ZNF732: variants seen among roughly 807,000 people sequenced by gnomAD.
ZNF732 encodes the protein zinc finger protein 732.
In ZNF732, 12 loss-of-function variants were observed where a neutral mutation model predicts 11.5. That is an observed-to-expected ratio of 1.05 (90% CI 0.67 to 1.70). The LOEUF is 1.70. ZNF732 is among the 40% of genes most tolerant of loss of function. The probability of loss-of-function intolerance (pLI) is 0.00; values close to 1 mark genes in which losing one functional copy is unlikely to be tolerated. For synonymous variants in ZNF732, 231 were observed against 236.5 expected (o/e 0.98, Z 0.21); for missense variants, 702 against 676.9 (o/e 1.04, Z -0.41).
At chr4:303,435 G>A (rs546831164) in intron 1 of ZNF732, among the ~76,000 whole-genome samples, 26 of 152,206 alleles carry the variant, frequency 1.7e-4, no homozygotes, top group African/African-American at 5.5e-4. Flanking sequence ...TGGCCAACAT[G>A]GTGAAACTCC....
intron 1 of ZNF732, among the ~76,000 whole-genome samples, chr4:297,566 C>A (rs1581546816): frequency 1.8e-5 from 2 of 108,794 alleles, no homozygotes; most frequent in Non-Finnish European, 1.8e-5. Context: ...GTATTAAATG[C>A]AATTCAGAGA....
At chr4:305,093 CG>C (rs1720203692) in intron 1 of ZNF732, among the ~76,000 whole-genome samples, 1 of 152,190 alleles carries the variant, frequency 6.6e-6, no homozygotes, top group African/African-American at 2.4e-5. Flanking sequence ...TGCGGGGCTG[CG>C]GGCGCAGAGC....
chr4:293,390 T>C (rs535920208), intron 3 of ZNF732, among the ~76,000 whole-genome samples: 4 of 151,018 alleles, frequency 2.6e-5, no homozygotes, highest in Admixed American at 6.6e-5. Flanking sequence ...ACAACCTGGA[T>C]AGACCTGGAG....
chr4:287,917 G>C (rs1185510571), intron 3 of ZNF732, among the ~76,000 whole-genome samples: 4 of 151,864 alleles, frequency 2.6e-5, no homozygotes, highest in Non-Finnish European at 4.4e-5. Context: ...CAGTGCACAA[G>C]AGTTTCAATT....
At chr4:304,625 C>T (rs1720189401) in intron 1 of ZNF732, among the ~76,000 whole-genome samples, 1 of 152,180 alleles carries the variant, frequency 6.6e-6, no homozygotes, top group Admixed American at 6.5e-5. Context: ...TTCTGAACGC[C>T]TGCCTACAAA....
chr4:299,950 T>C (rs1215250865), intron 1 of ZNF732, among the ~76,000 whole-genome samples: 21 of 147,372 alleles, frequency 1.4e-4, no homozygotes, highest in African/African-American at 5.2e-4. Flanking sequence ...GTGATCCGCC[T>C]GCCTCGGCCT....
intron 3 of ZNF732, among the ~76,000 whole-genome samples, chr4:284,364 T>G (rs1337934751): frequency 6.6e-6 from 1 of 152,102 alleles, no homozygotes; most frequent in Non-Finnish European, 1.5e-5. Flanking sequence ...AATCAGAAAG[T>G]ATCTTGAGAC....
intron 3 of ZNF732, among the ~76,000 whole-genome samples, chr4:291,710 G>A (rs1719845577): frequency 6.6e-6 from 1 of 152,106 alleles, no homozygotes; most frequent in African/African-American, 2.4e-5. Context: ...CACAGTAATA[G>A]TAAACACAAT....
chr4:297,207 G>A (rs1719972050), intron 1 of ZNF732, among the ~76,000 whole-genome samples: 1 of 151,964 alleles, frequency 6.6e-6, no homozygotes, highest in African/African-American at 2.4e-5. Flanking sequence ...GCTGGAGGTT[G>A]CAGTGAGCCA....
chr4:277,738 GTTTC>G (rs1553838975), intron 3 of ZNF732, among the ~76,000 whole-genome samples: 1 of 151,916 alleles, frequency 6.6e-6, no homozygotes, highest in Non-Finnish European at 1.5e-5. Flanking sequence ...TTTTAACACT[GTTTC>G]TTTGACTCCC....
chr4:292,890 C>CAAAAAAAAAAAA (rs34118991), intron 3 of ZNF732, among the ~76,000 whole-genome samples: 2 of 79,498 alleles, frequency 2.5e-5, no homozygotes, highest in Non-Finnish European at 5.2e-5. Flanking sequence ...ACTAAAAACA[C>CAAAAAAAAAAAA]AAAAAAAAAA....
Position 271,560 on chromosome 4 carries a change from G to C in ZNF732, c.1297C>G (p.Leu433Val), listed in dbSNP as rs61792064. 6.2e-7 allele frequency: 1 copy of C among 1,611,942 alleles called. No homozygotes were observed. The highest frequency in any genetic ancestry group is 8.5e-7 in the Non-Finnish European group (1 of 1,178,976). Residue 433 changes from leucine to valine, a missense_variant, in exon 4 of 4, where the codon CTG becomes GTG. Leu to Val is a conservative substitution (Grantham distance 32, BLOSUM62 1). Around this residue, in one of 3 missense-constraint regions of ZNF732, gnomAD observed 596 missense variants for 557.9 expected, o/e 1.07. Coordinates refer to ENST00000419098, the MANE Select transcript of ZNF732 (RefSeq NM_001137608.3). ...CGKAFGWSTD[L>V]NKHKIIHTGE... Reference sequence around the variant, plus strand: ...GTATGAATTATCTTATGTTTATTCAGGTCTGTGGACCATCCAAAGGCTTTG... The same window carrying C: ...GTATGAATTATCTTATGTTTATTCACGTCTGTGGACCATCCAAAGGCTTTG...
At chr4:284,348 A>C (rs1327185297) in intron 3 of ZNF732, among the ~76,000 whole-genome samples, 1 of 152,216 alleles carries the variant, frequency 6.6e-6, no homozygotes, top group Non-Finnish European at 1.5e-5. Context: ...AGAAAAAGAA[A>C]AGAAAAATCA....
rs979029918 is a variant in ZNF732 at position 271,285 on chromosome 4, A to G, written c.1572T>C (p.His524=). 7.5e-6 allele frequency: 12 copies of G among 1,590,198 alleles called. No individual in the cohort carries two copies. Among genetic ancestry groups the G allele is most frequent in the African/African-American group, 1.3e-5 (1 of 74,294 alleles). The part of the protein sequence containing the change: ...STYLSKHKKI[H]TGEKPYRCEE... ...CACATCTATAAGGTTTCTCTCCAGT[A>G]TGAATTTTCTTATGTTTACTCAGGT... Residue 524 remains histidine (H), a synonymous_variant, in exon 4 of 4, where the codon CAT becomes CAC. Transcript: ENST00000419098.
intron 3 of ZNF732, among the ~76,000 whole-genome samples, chr4:278,575 T>A (rs1553839109): frequency 6.6e-6 from 1 of 152,256 alleles, no homozygotes; most frequent in Non-Finnish European, 1.5e-5. Context: ...AAGAAATTTC[T>A]ATTTCAATCT....
chr4:288,971 T>A (rs1719786915), intron 3 of ZNF732, among the ~76,000 whole-genome samples: 1 of 152,236 alleles, frequency 6.6e-6, no homozygotes, highest in African/African-American at 2.4e-5. Flanking sequence ...TGACACTGGA[T>A]ATCTTATTTT....
rs144585587 is a variant in ZNF732 at position 293,325 on chromosome 4, C to T, written c.226+2113G>A. Among the ~76,000 whole-genome samples the T allele has an allele frequency of 3.4e-3, 481 of 139,778 alleles. 5 individuals are homozygous for T. Among genetic ancestry groups the T allele is most frequent in the African/African-American group, 0.013 (451 of 35,490 alleles). 91.7% of individuals were successfully genotyped at this position (139,778 alleles called of 152,430 possible). A position where few individuals can be genotyped will look rare whatever the true frequency, so the allele number is the denominator to read the frequency against. ...GTGTGTGTGTGTATATATATATACA[C>T]ACACACACAGTAGACTACTATTCAG... On this transcript the variant is annotated intron_variant, in intron 3 of 3. Coordinates refer to ENST00000419098, the MANE Select transcript of ZNF732 (RefSeq NM_001137608.3).
intron 3 of ZNF732, among the ~76,000 whole-genome samples, chr4:274,735 A>C (rs782124840): frequency 6.6e-6 from 1 of 151,770 alleles, no homozygotes; most frequent in Non-Finnish European, 1.5e-5. Context: ...TACAAAGTAC[A>C]TCTTAAGTCA....
intron 3 of ZNF732, among the ~76,000 whole-genome samples, chr4:290,864 G>A (rs73791817): frequency 0.058 from 8,781 of 152,210 alleles, 415 homozygotes; most frequent in African/African-American, 0.13. Context: ...CCCAGAGGTA[G>A]TCTCATCAGC....
Sources: allele counts gnomAD v4.1 joint callset (sites outside exome capture counted in the v4.1 genomes callset), GRCh38; gene constraint gnomAD v4.1.1; regional missense constraint gnomAD v4.1.1; transcripts MANE v1.5; gene names NCBI Gene and HGNC (gene_info 2026-07-23, HGNC 2026-07-21).